GLRA2: variants seen among roughly 807,000 people sequenced by gnomAD.
GLRA2 encodes the protein glycine receptor subunit alpha-2.
Under a neutral mutation model 31.6 loss-of-function variants are expected in GLRA2, and 11 were observed. The ratio of observed to expected loss-of-function variants is 0.35; its 90% CI spans 0.22 to 0.58. The LOEUF (loss-of-function observed/expected upper bound fraction) is 0.58. Ranked by LOEUF, GLRA2 falls within the 20% of genes least tolerant of loss-of-function variation. The pLI is 0.84. For synonymous variants in GLRA2, 132 were observed against 134.0 expected (o/e 0.99, Z 0.10); for missense variants, 212 against 351.8 (o/e 0.60, Z 3.18).
chrX:14,557,435 A>G (rs1037247165), intron 2 of GLRA2, among the ~76,000 whole-genome samples: 1 of 111,473 alleles, frequency 9.0e-6, no homozygotes, highest in Non-Finnish European at 1.9e-5. Flanking sequence ...ATTTCTAAAT[A>G]TTTTTTAAAA....
At chrX:14,724,464 A>G (rs2091903603) in intron 8 of GLRA2, among the ~76,000 whole-genome samples, 1 of 108,672 alleles carries the variant, frequency 9.2e-6, no homozygotes, top group South Asian at 4.1e-4. Context: ...CGTCTCTACT[A>G]AAAATACAAA....
rs1208479992 is a variant in GLRA2 at position 14,730,905 on chromosome X, C to T, written c.*420C>T. The T allele has an allele frequency of 2.1e-5, 1 of 46,875 alleles. No individual in the cohort carries two copies. The highest frequency in any genetic ancestry group is 5.2e-4 in the East Asian group (1 of 1,937). 3.9% of individuals were successfully genotyped at this position (46,875 alleles called of 1,213,427 possible). A position where few individuals can be genotyped will look rare whatever the true frequency, so the allele number is the denominator to read the frequency against. On this transcript the variant is annotated 3_prime_UTR_variant, in exon 9 of 9. Transcript: ENST00000218075. ...AAAGTTAGCTATACACACACACACA[C>T]ACACACACACACACACACACACACA...
At chrX:14,557,718 CA>C (rs1466351493) in intron 2 of GLRA2, among the ~76,000 whole-genome samples, 2 of 111,330 alleles carry the variant, frequency 1.8e-5, no homozygotes, top group Non-Finnish European at 3.8e-5. Flanking sequence ...ATTGTCACAA[CA>C]GGGGGTGTGG....
intron 7 of GLRA2, among the ~76,000 whole-genome samples, chrX:14,682,549 ATCTT>A (rs1219667281): frequency 1.8e-5 from 2 of 110,231 alleles, no homozygotes; most frequent in Non-Finnish European, 3.8e-5. Flanking sequence ...CTATTTTAAA[ATCTT>A]TTTTTTTTTA....
the GLRA2 span, among the ~76,000 whole-genome samples, chrX:14,461,779 T>G: frequency 8.9e-6 from 1 of 112,233 alleles, no homozygotes; most frequent in African/African-American, 3.2e-5. Context: ...TAGAGCACAC[T>G]GATGGGTCTT....
chrX:14,481,323 A>G, the GLRA2 span, among the ~76,000 whole-genome samples: 3 of 111,391 alleles, frequency 2.7e-5, no homozygotes, highest in Non-Finnish European at 5.6e-5. Flanking sequence ...GGCCTCTCTC[A>G]GCCTCACTAA....
At chrX:14,697,621 G>A (rs976919669) in intron 8 of GLRA2, among the ~76,000 whole-genome samples, 7 of 111,509 alleles carry the variant, frequency 6.3e-5, no homozygotes, top group African/African-American at 2.3e-4. Context: ...GGGGACAGAT[G>A]TTGCTCTCTA....
chrX:14,474,712 GAT>G, the GLRA2 span, among the ~76,000 whole-genome samples: 1 of 101,597 alleles, frequency 9.8e-6, no homozygotes, highest in Non-Finnish European at 2.0e-5. Context: ...GGATGGCTGG[GAT>G]GGCTGGGATG....
At chrX:14,597,952 G>C (rs1033689599) in intron 4 of GLRA2, among the ~76,000 whole-genome samples, 2 of 111,491 alleles carry the variant, frequency 1.8e-5, no homozygotes, top group African/African-American at 6.5e-5. Flanking sequence ...ACCCACAGCA[G>C]GTGTTCTGAG....
the GLRA2 span, among the ~76,000 whole-genome samples, chrX:14,487,306 T>C: frequency 2.9e-5 from 3 of 104,168 alleles, no homozygotes; most frequent in Admixed American, 3.2e-4. Flanking sequence ...AGCACTGTTC[T>C]AGGACATTCT....
At chrX:14,668,967 A>T (rs1256546287) in intron 7 of GLRA2, among the ~76,000 whole-genome samples, 1 of 112,219 alleles carries the variant, frequency 8.9e-6, no homozygotes, top group African/African-American at 3.2e-5. Context: ...GTCTCATCTG[A>T]GACAAGGCAA....
intron 1 of GLRA2, 122 bp from the exon 2 acceptor site, chrX:14,532,117 A>T: frequency 2.3e-6 from 1 of 438,304 alleles, no homozygotes; most frequent in Non-Finnish European, 3.6e-6. Flanking sequence ...GGATTTTTCT[A>T]GTTTTCTTCA....
chrX:14,725,294 C>T (rs1210552167), intron 8 of GLRA2, among the ~76,000 whole-genome samples: 2 of 111,921 alleles, frequency 1.8e-5, no homozygotes, highest in South Asian at 7.4e-4. Flanking sequence ...TTTCCCAAGG[C>T]CATTCCTCTT....
At chrX:14,519,671 G>A in the GLRA2 span, among the ~76,000 whole-genome samples, 2 of 112,135 alleles carry the variant, frequency 1.8e-5, no homozygotes, top group Admixed American at 9.5e-5. Flanking sequence ...TGAAGAATAC[G>A]TGGATGAATG....
chrX:14,573,254 CG>C (rs1375890692), intron 2 of GLRA2, among the ~76,000 whole-genome samples: 6 of 110,644 alleles, frequency 5.4e-5, no homozygotes. Flanking sequence ...GAACCCCACA[CG>C]GACTTCTGAA....
chrX:14,608,481 T>C (rs2090361672), intron 6 of GLRA2, among the ~76,000 whole-genome samples: 2 of 111,582 alleles, frequency 1.8e-5, no homozygotes, highest in South Asian at 3.7e-4. Context: ...TTAAATACTT[T>C]GTAGTTTTAT....
intron 2 of GLRA2, among the ~76,000 whole-genome samples, chrX:14,560,201 C>A (rs1202673279): frequency 8.9e-6 from 1 of 112,546 alleles, no homozygotes; most frequent in Non-Finnish European, 1.9e-5. Flanking sequence ...CCATATATTT[C>A]ATATTCTATT....
chrX:14,650,376 AAAC>A (rs1207653397), intron 7 of GLRA2, among the ~76,000 whole-genome samples: 1 of 110,764 alleles, frequency 9.0e-6, no homozygotes, highest in East Asian at 2.8e-4. Context: ...AGAAAAAAAA[AAAC>A]AAAATCCCTG....
the GLRA2 span, among the ~76,000 whole-genome samples, chrX:14,497,039 A>G: frequency 8.9e-6 from 1 of 112,196 alleles, no homozygotes; most frequent in East Asian, 2.8e-4. Flanking sequence ...GAAAAAAACA[A>G]AAAAGCTTTG....
Sources: gnomAD v4.1 joint callset for allele counts (sites outside exome capture counted in the v4.1 genomes callset) on GRCh38, gnomAD v4.1.1 for gene constraint, MANE v1.5 for transcripts, NCBI Gene and HGNC (gene_info 2026-07-23, HGNC 2026-07-21) for gene names.